PRDM2: variants seen among roughly 807,000 people sequenced by gnomAD.
The protein encoded by PRDM2 is PR domain zinc finger protein 2.
Under a neutral mutation model 130.0 loss-of-function variants are expected in PRDM2, and 30 were observed. The ratio of observed to expected loss-of-function variants is 0.23; its 90% CI spans 0.17 to 0.31. The LOEUF (loss-of-function observed/expected upper bound fraction) is 0.31. PRDM2 is among the 10% of genes least tolerant of loss of function. The probability of loss-of-function intolerance (pLI) is 1.00; values close to 1 mark genes in which losing one functional copy is unlikely to be tolerated. For missense variants in PRDM2, 2,011 were observed against 2,108.4 expected (o/e 0.95, Z 0.90); for synonymous variants, 871 against 782.4 (o/e 1.11, Z -1.89).
intron 8 of PRDM2, among the ~76,000 whole-genome samples, chr1:13,801,354 G>A (rs953391593): frequency 2.6e-5 from 4 of 152,254 alleles, no homozygotes; most frequent in African/African-American, 9.6e-5. Flanking sequence ...TGAGCGGTCA[G>A]TGGCTATCAG....
chr1:13,713,581 A>C (rs1278329594), intron 1 of PRDM2, among the ~76,000 whole-genome samples: 1 of 152,246 alleles, frequency 6.6e-6, no homozygotes, highest in Non-Finnish European at 1.5e-5. Flanking sequence ...ATGGTAAAGC[A>C]TTATAGCTCT....
chr1:13,749,231 G>A (rs1643719552), intron 5 of PRDM2, 130 bp from the exon 6 acceptor site: 1 of 885,384 alleles, frequency 1.1e-6, no homozygotes, highest in Non-Finnish European at 1.4e-6. Context: ...CCTGCCGGCC[G>A]GGTGCGCGCG....
chr1:13,783,050 C>T, intron 8 of PRDM2: 1 of 1,086,498 alleles, frequency 9.2e-7, no homozygotes, highest in Non-Finnish European at 1.3e-6. Flanking sequence ...AGCAGTGCCA[C>T]TTCTTTAATG....
In PRDM2 at chr1:13,782,150, C is replaced by T. The variant is rs1207600425; in HGVS notation, c.4355C>T (p.Ser1452Leu). The change falls in exon 8 of 10, where the codon TCA (serine) becomes TTA (leucine). Residue 1452 changes from serine (S) to leucine (L), a missense_variant. Ser to Leu is a moderately radical substitution (Grantham distance 145, BLOSUM62 -2). Around this residue, in one of 5 missense-constraint regions of PRDM2, gnomAD observed 410 missense variants for 395.9 expected, o/e 1.04. Transcript: ENST00000311066. Reference sequence around the variant, plus strand: ...GCCGACTTGAAAAATGCTTGTGAGTCATCCTCTCACATCTGCCCTTACTGT... The same window carrying T: ...GCCGACTTGAAAAATGCTTGTGAGTTATCCTCTCACATCTGCCCTTACTGT... ...QKADLKNACE[S>L]SSHICPYCNR... 2 of 1,613,762 alleles carry T rather than the reference C, an allele frequency of 1.2e-6. No homozygotes were observed. Among genetic ancestry groups the T allele is most frequent in the Non-Finnish European group, 1.7e-6 (2 of 1,180,014 alleles).
chr1:13,747,786 AAAAG>A (rs1247607241), intron 5 of PRDM2, among the ~76,000 whole-genome samples: 2 of 151,702 alleles, frequency 1.3e-5, no homozygotes, highest in Non-Finnish European at 2.9e-5. Flanking sequence ...AAAAAAAAAA[AAAAG>A]AAACAAAAAA....
chr1:13,762,282 C>T (rs901863578), intron 6 of PRDM2, among the ~76,000 whole-genome samples: 1 of 152,244 alleles, frequency 6.6e-6, no homozygotes, highest in African/African-American at 2.4e-5. Flanking sequence ...GGCTGCGCAG[C>T]AGTGTTTCAT....
chr1:13,792,505 T>TATA (rs1178460861), intron 8 of PRDM2, among the ~76,000 whole-genome samples: 4 of 152,246 alleles, frequency 2.6e-5, no homozygotes, highest in Admixed American at 6.5e-5. Context: ...ACTTGCTTTT[T>TATA]ATAATCGCAT....
At chr1:13,774,734 T>C (rs927948154) in intron 7 of PRDM2, among the ~76,000 whole-genome samples, 1 of 152,046 alleles carries the variant, frequency 6.6e-6, no homozygotes, top group Non-Finnish European at 1.5e-5. Flanking sequence ...CCCAGCACTT[T>C]GGGAGGCCGA....
intron 1 of PRDM2, among the ~76,000 whole-genome samples, chr1:13,713,190 T>G (rs1642426618): frequency 1.3e-5 from 2 of 152,316 alleles, no homozygotes; most frequent in South Asian, 4.1e-4. Context: ...TCTAAAGCGC[T>G]TTCATTTTCT....
rs1195912309 is a variant in PRDM2 at position 13,803,812 on chromosome 1, G to A, written c.5037-12615G>A. On this transcript the variant is annotated intron_variant, in intron 8 of 9. Transcript: ENST00000311066. The surrounding 1 kb of genome is among the most constrained non-coding windows in gnomAD (Gnocchi z 6.2). ...GCTTCTCACATGCTGGGTATTTAGA[G>A]TTCAACCCAAACAGGTTTGGGGAAT... is the stretch of plus-strand genomic sequence containing the variant. Among the ~76,000 whole-genome samples the A allele has an allele frequency of 2.6e-5, 4 of 152,180 alleles. No homozygotes were observed. Among genetic ancestry groups the A allele is most frequent in the Admixed American group, 6.5e-5 (1 of 15,280 alleles).
At chr1:13,756,821 CTG>C (rs777642007) in intron 6 of PRDM2, among the ~76,000 whole-genome samples, 1 of 152,160 alleles carries the variant, frequency 6.6e-6, no homozygotes, top group Non-Finnish European at 1.5e-5. Context: ...GTTGGTTGCT[CTG>C]TGTATACCAT....
At chr1:13,789,470 T>A (rs1644803583) in intron 8 of PRDM2, among the ~76,000 whole-genome samples, 1 of 152,180 alleles carries the variant, frequency 6.6e-6, no homozygotes, top group Admixed American at 6.5e-5. Context: ...TCATAGTGGC[T>A]TTTTTCCCCA....
chr1:13,732,741 C>T (rs755091184), intron 3 of PRDM2, 38 bp from the exon 4 acceptor site: 2 of 1,402,788 alleles, frequency 1.4e-6, no homozygotes, highest in Middle Eastern at 1.9e-4. Context: ...TTTAAAATAA[C>T]CATGATACAT....
At chr1:13,807,339 A>G (rs1645100357) in intron 8 of PRDM2, among the ~76,000 whole-genome samples, 1 of 152,250 alleles carries the variant, frequency 6.6e-6, no homozygotes, top group Admixed American at 6.5e-5. Context: ...CTGCTACTGT[A>G]TGCCAGCCAG....
chr1:13,803,388 T>C lies in PRDM2; in HGVS notation c.5037-13039T>C, dbSNP rs997220440. Among the ~76,000 whole-genome samples, 13 of 152,156 alleles carry C rather than the reference T, an allele frequency of 8.5e-5. No homozygotes were observed. The highest frequency in any genetic ancestry group is 1.9e-4 in the Non-Finnish European group (13 of 68,028). On this transcript the variant is annotated intron_variant, in intron 8 of 9. Transcript: ENST00000311066. This position sits in a 1 kb window ranked among gnomAD's most constrained non-coding sequence, Gnocchi z 6.2. Reference sequence around the variant, plus strand: ...GTGAGAAGTGAATAGACTCCAACCGTGCTCTCCTGGTGCTCCCAGTCCAGT... The same window carrying C: ...GTGAGAAGTGAATAGACTCCAACCGCGCTCTCCTGGTGCTCCCAGTCCAGT...
intron 7 of PRDM2, 69 bp downstream of exon 7, chr1:13,773,257 C>A: frequency 1.1e-6 from 1 of 913,782 alleles, no homozygotes; most frequent in Non-Finnish European, 1.6e-6. Context: ...CTTTGTATCT[C>A]TTTATATTGT....
At chr1:13,749,532 G>T (rs1485372494) in intron 6 of PRDM2, 45 bp downstream of exon 6, 3 of 1,178,242 alleles carry the variant, frequency 2.5e-6, no homozygotes, top group Non-Finnish European at 3.2e-6. Flanking sequence ...CGCCACGCCC[G>T]CCCAGGACGC....
intron 8 of PRDM2, among the ~76,000 whole-genome samples, chr1:13,794,549 C>CA (rs1644891562): frequency 6.6e-6 from 1 of 152,102 alleles, no homozygotes; most frequent in Non-Finnish European, 1.5e-5. Context: ...GTAATCTATG[C>CA]AAGTTACTCA....
intron 4 of PRDM2, among the ~76,000 whole-genome samples, chr1:13,735,022 AT>A (rs999504589): frequency 6.6e-6 from 1 of 152,212 alleles, no homozygotes; most frequent in African/African-American, 2.4e-5. Flanking sequence ...TGTAACAGAA[AT>A]GGCTTATCAT....
Sources: gnomAD v4.1 joint callset for allele counts (sites outside exome capture counted in the v4.1 genomes callset) on GRCh38, gnomAD v4.1.1 for gene constraint, gnomAD v4.1.1 regional missense constraint, Gnocchi (gnomAD v3.1) non-coding constraint, MANE v1.5 for transcripts, NCBI Gene and HGNC (gene_info 2026-07-23, HGNC 2026-07-21) for gene names.